CLPTM1L: variants seen among roughly 807,000 people sequenced by gnomAD.
The protein encoded by CLPTM1L is CLPTM1 like, also known as lipid scramblase CLPTM1L.
A neutral mutation model predicts 70.9 loss-of-function variants in CLPTM1L; 38 were observed. The observed-to-expected ratio is 0.54, with a 90% CI of 0.41 to 0.70. CLPTM1L has a LOEUF of 0.70. CLPTM1L is among the 30% of genes least tolerant of loss of function. The pLI, the probability that CLPTM1L is intolerant of heterozygous loss-of-function variation, is 0.00. For missense variants in CLPTM1L, 652 were observed against 705.9 expected (o/e 0.92, Z 0.87); for synonymous variants, 339 against 299.9 (o/e 1.13, Z -1.35).
rs114423302 is a variant in CLPTM1L, at chr5:1,318,363, C to T, written c.*6G>A. 2.4e-4 allele frequency: 386 copies of T among 1,611,414 alleles called. No homozygotes were observed. Among genetic ancestry groups the T allele is most frequent in the African/African-American group, 1.7e-3 (126 of 74,978 alleles). On this transcript the variant is annotated 3_prime_UTR_variant, in exon 17 of 17. Transcript: ENST00000320895. This position sits in a 1 kb window ranked among gnomAD's most constrained non-coding sequence, Gnocchi z 8.9. Reference sequence around the variant, plus strand: ...TGCACTTGGCTGGCGGCAGCCCGGGCGGCCTTCAGTCCGTGTGGGGCGCCC... The same window carrying T: ...TGCACTTGGCTGGCGGCAGCCCGGGTGGCCTTCAGTCCGTGTGGGGCGCCC...
chr5:1,341,420 G>A (rs1327886625), intron 3 of CLPTM1L, among the ~76,000 whole-genome samples: 3 of 152,218 alleles, frequency 2.0e-5, no homozygotes, highest in African/African-American at 7.2e-5. Flanking sequence ...CCCATTCCCC[G>A]AGGGACTCTG....
rs780714790 is a variant in CLPTM1L, at chr5:1,322,845, TA to T, written c.1315+31del. The T allele has an allele frequency of 5.6e-6, 9 of 1,608,240 alleles. No homozygotes were observed. In the African/African-American group the frequency reaches 1.2e-4, roughly 22 times the overall value. ...TTAAATCGCTGCCTGCTGGAAACAC[TA>T]GTACTGAAGCAGGGAAGCACATGGA... On this transcript the variant is annotated intron_variant, in intron 13 of 16. Transcript: ENST00000320895.
intron 13 of CLPTM1L, 84 bp from the exon 14 acceptor site, chr5:1,321,903 G>A (rs1752179749): frequency 7.8e-7 from 1 of 1,282,728 alleles, no homozygotes. Context: ...GAGGTGTGGA[G>A]GGCCGAGCTG....
At chr5:1,328,473 C>A (rs1446318481) in intron 9 of CLPTM1L, among the ~76,000 whole-genome samples, 1 of 148,448 alleles carries the variant, frequency 6.7e-6, no homozygotes, top group Admixed American at 6.6e-5. Flanking sequence ...CCTCTGCAGA[C>A]ACATTCCATC....
At chr5:1,320,317 T>C (rs564777732) in intron 16 of CLPTM1L, 2 of 307,444 alleles carry the variant, frequency 6.5e-6, no homozygotes, top group African/African-American at 2.2e-5. Flanking sequence ...TGACTGTGAA[T>C]AGGTAAATAA....
At chr5:1,323,895 GT>G in intron 11 of CLPTM1L, 26 bp from the exon 12 acceptor site, 1 of 1,561,962 alleles carries the variant, frequency 6.4e-7, no homozygotes, top group Non-Finnish European at 8.8e-7. Flanking sequence ...ATGGCTTCCA[GT>G]TAGAGGCCCA....
Position 1,338,831 on chromosome 5 carries a change from C to T in CLPTM1L, c.599+29G>A, listed in dbSNP as rs145742477. 7.6e-4 allele frequency: 1,217 copies of T among 1,611,660 alleles called. 4 individuals carry two copies. In the African/African-American group the frequency reaches 7.7e-3, roughly 10 times the overall value. ...AGCCAGGGTCCCAGCACCCTCCCCC[C>T]GGCGCTCCAGCTCTGGGGCCCCACT... On this transcript the variant is annotated intron_variant, in intron 4 of 16. Transcript: ENST00000320895.
At chr5:1,319,590 C>G (rs1752035244) in intron 16 of CLPTM1L, among the ~76,000 whole-genome samples, 1 of 152,146 alleles carries the variant, frequency 6.6e-6, no homozygotes, top group South Asian at 2.1e-4. Flanking sequence ...TAGGCAGGAC[C>G]CGCCAGGACG....
At chr5:1,325,345 C>A in intron 10 of CLPTM1L, 1 of 255,396 alleles carries the variant, frequency 3.9e-6, no homozygotes, top group Non-Finnish European at 7.5e-6. Context: ...CTTATGGGCG[C>A]CCAGGCACTG....
At chr5:1,335,395 G>C (rs1421577981) in intron 5 of CLPTM1L, among the ~76,000 whole-genome samples, 2 of 152,320 alleles carry the variant, frequency 1.3e-5, no homozygotes, top group Admixed American at 1.3e-4. Flanking sequence ...CCCCCACCAG[G>C]ACCCCGTGAG....
rs1439141594 is a variant in CLPTM1L at position 1,333,690 on chromosome 5, C to A, written c.891+599G>T. 1.6e-4 allele frequency among the ~76,000 whole-genome samples: 15 copies of A among 95,198 alleles called. No individual in the cohort carries two copies. The Admixed American group carries it at 2.4e-3, about 15-fold the overall frequency. 62.5% of individuals were successfully genotyped at this position (95,198 alleles called of 152,430 possible). On this transcript the variant is annotated intron_variant, in intron 7 of 16. Transcript: ENST00000320895. ...GAGGATAAGGGGGGACTACTGTAGA[C>A]ACACCGCAAGAGGATAAGGGGGGAC...
intron 10 of CLPTM1L, chr5:1,325,271 A>G (rs1251475671): frequency 4.0e-6 from 1 of 248,284 alleles, no homozygotes; most frequent in Non-Finnish European, 7.8e-6. Context: ...GCCTCAATCA[A>G]GGTCCATCCG....
In CLPTM1L at chr5:1,341,657, A is replaced by G. The variant is rs1346419231; in HGVS notation, c.453+14T>C. 1.3e-6 allele frequency: 2 copies of G among 1,590,958 alleles called. No individual in the cohort carries two copies. The highest frequency in any genetic ancestry group is 2.3e-5 in the East Asian group (1 of 44,270). ...AGGCACAGCCTGTTATCAGTAACCCATGAAGACCCTCACCTGTGTATCAGA... is the reference window on the plus strand; with the variant it reads ...AGGCACAGCCTGTTATCAGTAACCCGTGAAGACCCTCACCTGTGTATCAGA... On this transcript the variant is annotated intron_variant, in intron 3 of 16. Coordinates refer to ENST00000320895, the MANE Select transcript of CLPTM1L (RefSeq NM_030782.5).
At chr5:1,334,263 G>C (rs143792345) in intron 7 of CLPTM1L, 26 bp downstream of exon 7, 4 of 1,592,108 alleles carry the variant, frequency 2.5e-6, no homozygotes, top group East Asian at 2.2e-5. Context: ...AAGTGCCTGC[G>C]GCAAGCCCCC....
At chr5:1,335,490 T>G (rs887347294) in intron 5 of CLPTM1L, among the ~76,000 whole-genome samples, 1 of 151,922 alleles carries the variant, frequency 6.6e-6, no homozygotes, top group African/African-American at 2.4e-5. Flanking sequence ...GCCCCGGAGG[T>G]GGTGCTTGCC....
At chr5:1,320,767 T>A in intron 15 of CLPTM1L, 36 bp from the exon 16 acceptor site, 1 of 1,256,960 alleles carries the variant, frequency 8.0e-7, no homozygotes, top group Non-Finnish European at 1.1e-6. Context: ...GAACCCCAGT[T>A]GCTGGGGCTG....
Position 1,327,044 on chromosome 5 carries a change from T to G in CLPTM1L, c.1081-1228A>C, listed in dbSNP as rs537773043. ...GGGACATTCCACCCAGCTCCTCCTC[T>G]ACAGGGACATTCCACCCAGCTCCTC... is the stretch of plus-strand genomic sequence containing the variant. On this transcript the variant is annotated intron_variant, in intron 9 of 16. Coordinates refer to ENST00000320895, the MANE Select transcript of CLPTM1L (RefSeq NM_030782.5). 1.1e-3 allele frequency among the ~76,000 whole-genome samples: 158 copies of G among 146,218 alleles called. 2 individuals carry two copies. Among genetic ancestry groups the G allele is most frequent in the Non-Finnish European group, 1.8e-3 (122 of 66,214 alleles).
chr5:1,327,803 A>G (rs1450661537), intron 9 of CLPTM1L, among the ~76,000 whole-genome samples: 105 of 133,770 alleles, frequency 7.8e-4, no homozygotes, highest in African/African-American at 2.4e-3. Flanking sequence ...TCCTCTACAG[A>G]CACATTCCAT....
intron 7 of CLPTM1L, chr5:1,332,334 T>C (rs1027328109): frequency 1.9e-4 from 32 of 164,580 alleles, no homozygotes; most frequent in South Asian, 3.5e-4. Context: ...GCCCAGGGGT[T>C]TGAGACCAGC....
Sources: allele counts gnomAD v4.1 joint callset (sites outside exome capture counted in the v4.1 genomes callset), GRCh38; gene constraint gnomAD v4.1.1; non-coding constraint Gnocchi (gnomAD v3.1); transcripts MANE v1.5; gene names NCBI Gene and HGNC (gene_info 2026-07-23, HGNC 2026-07-21).